Variants in GMDS observed in about 807,000 individuals in gnomAD.
GMDS encodes GDP-mannose 4,6-dehydratase.
A neutral mutation model predicts 49.9 loss-of-function variants in GMDS; 20 were observed. The ratio of observed to expected loss-of-function variants is 0.40; its 90% confidence interval spans 0.28 to 0.58. The LOEUF is 0.58. GMDS is among the 20% of genes least tolerant of loss of function. The probability of loss-of-function intolerance (pLI) is 0.42; values close to 1 mark genes in which losing one functional copy is unlikely to be tolerated. For missense variants in GMDS, 362 were observed against 481.4 expected (o/e 0.75, Z 2.32); for synonymous variants, 177 against 178.6 (o/e 0.99, Z 0.07).
intron 9 of GMDS, among the ~76,000 whole-genome samples, chr6:1,722,260 A>ATTATTATTAATTATTT (rs59203891): frequency 7.1e-6 from 1 of 140,860 alleles, no homozygotes; most frequent in East Asian, 2.1e-4. Context: ...TAGTAGTAGT[A>ATTATTATTAATTATTT]GTATTTTTAG....
intron 7 of GMDS, among the ~76,000 whole-genome samples, chr6:1,849,881 G>A (rs929180727): frequency 6.6e-6 from 1 of 152,082 alleles, no homozygotes; most frequent in Non-Finnish European, 1.5e-5. Flanking sequence ...AAACCCTTTC[G>A]TGGAGCTAGA....
At chr6:1,864,587 T>C (rs1305064591) in intron 7 of GMDS, among the ~76,000 whole-genome samples, 1 of 152,206 alleles carries the variant, frequency 6.6e-6, no homozygotes, top group African/African-American at 2.4e-5. Context: ...TTGGTTCATT[T>C]AGTAGTGTTG....
intron 4 of GMDS, among the ~76,000 whole-genome samples, chr6:1,985,331 G>A (rs1003697027): frequency 1.1e-4 from 17 of 152,010 alleles, no homozygotes; most frequent in African/African-American, 2.4e-4. Flanking sequence ...TTAACCATAC[G>A]GGATAAGAAT....
In GMDS at chr6:2,117,457, A is replaced by G. The variant is rs773021803; in HGVS notation, c.235+12T>C. The G allele has an allele frequency of 1.4e-6, 2 of 1,457,492 alleles. No individual in the cohort carries two copies. Among genetic ancestry groups the G allele is most frequent in the Non-Finnish European group, 1.9e-6 (2 of 1,036,994 alleles). The allele number at this position is 1,457,492 out of a possible 1,614,324, so 90.3% of individuals were successfully genotyped here. On this transcript the variant is annotated intron_variant, in intron 3 of 10. Coordinates refer to ENST00000380815, the MANE Select transcript of GMDS (RefSeq NM_001500.4). ...TTATAGAAAGAGATTCTAGAAAAAG[A>G]AAATGACTTACTTCCTTCAATGTGA...
intron 6 of GMDS, among the ~76,000 whole-genome samples, chr6:1,935,980 A>G (rs534360822): frequency 6.6e-6 from 1 of 152,300 alleles, no homozygotes; most frequent in Admixed American, 6.5e-5. Flanking sequence ...GGCACTGAGG[A>G]GTCTGGGCTG....
chr6:2,128,389 G>T (rs1022867033), intron 1 of GMDS, among the ~76,000 whole-genome samples: 2 of 152,058 alleles, frequency 1.3e-5, no homozygotes, highest in African/African-American at 2.4e-5. Context: ...TGGCCAGGCT[G>T]TTCTCAAACC....
intron 7 of GMDS, among the ~76,000 whole-genome samples, chr6:1,897,669 T>A (rs1236525868): frequency 6.6e-6 from 1 of 152,214 alleles, no homozygotes; most frequent in Non-Finnish European, 1.5e-5. Context: ...GTTGGGAGCA[T>A]CTCATTTCTC....
At chr6:1,686,412 G>A (rs2113323478) in intron 9 of GMDS, among the ~76,000 whole-genome samples, 1 of 152,354 alleles carries the variant, frequency 6.6e-6, no homozygotes, top group Middle Eastern at 3.4e-3. Flanking sequence ...AATGGTTGGA[G>A]AGGGTGTGGG....
intron 1 of GMDS, among the ~76,000 whole-genome samples, chr6:2,209,494 C>T (rs1779963874): frequency 6.6e-6 from 1 of 152,090 alleles, no homozygotes; most frequent in South Asian, 2.1e-4. Context: ...TACTCACACA[C>T]CTGCTGTCAG....
chr6:2,145,432 G>A (rs1419306115), intron 1 of GMDS, among the ~76,000 whole-genome samples: 1 of 151,920 alleles, frequency 6.6e-6, no homozygotes, highest in African/African-American at 2.4e-5. Flanking sequence ...CAGCTACTCG[G>A]GAAGCTGAGG....
chr6:2,123,339 G>A (rs1212960730), intron 2 of GMDS, among the ~76,000 whole-genome samples: 4 of 152,278 alleles, frequency 2.6e-5, no homozygotes, highest in African/African-American at 7.2e-5. Context: ...CAACACTTGC[G>A]TGGTTTTGAG....
intron 9 of GMDS, among the ~76,000 whole-genome samples, chr6:1,665,183 G>A (rs1764200475): frequency 6.6e-6 from 1 of 152,090 alleles, no homozygotes; most frequent in African/African-American, 2.4e-5. Flanking sequence ...GTGCCATGTT[G>A]GTGTGCTGCA....
At chr6:1,743,990 T>C (rs576305668) in intron 7 of GMDS, among the ~76,000 whole-genome samples, 1 of 152,310 alleles carries the variant, frequency 6.6e-6, no homozygotes, top group Non-Finnish European at 1.5e-5. Flanking sequence ...AACTGTTTGG[T>C]TTGCGTCTCC....
At chr6:1,703,160 T>C (rs1459092120) in intron 9 of GMDS, among the ~76,000 whole-genome samples, 1 of 152,202 alleles carries the variant, frequency 6.6e-6, no homozygotes. Flanking sequence ...GAGGAGTTCC[T>C]GCATGCTGGC....
chr6:2,194,213 C>T (rs913358332), intron 1 of GMDS, among the ~76,000 whole-genome samples: 1 of 152,042 alleles, frequency 6.6e-6, no homozygotes, highest in Non-Finnish European at 1.5e-5. Flanking sequence ...TAAGGTGCTT[C>T]TGTATTCTCC....
intron 10 of GMDS, 89 bp from the exon 11 acceptor site, chr6:1,624,320 C>T: frequency 2.2e-6 from 3 of 1,337,322 alleles, no homozygotes; most frequent in Non-Finnish European, 2.1e-6. Context: ...AGAGAGGCCT[C>T]CGCGTCCCTC....
intron 9 of GMDS, among the ~76,000 whole-genome samples, chr6:1,692,743 G>C (rs1765218672): frequency 1.3e-5 from 2 of 152,180 alleles, no homozygotes; most frequent in Non-Finnish European, 2.9e-5. Context: ...AGTTCAATCT[G>C]AGTGTCTTCT....
chr6:1,959,925 C>A lies in GMDS; in HGVS notation c.585G>T (p.Glu195Asp). 6.2e-7 allele frequency: 1 copy of A among 1,611,272 alleles called. No homozygotes were observed. The highest frequency in any genetic ancestry group is 8.5e-7 in the Non-Finnish European group (1 of 1,178,928). Residue 195 changes from glutamate to aspartate, a missense_variant, in exon 6 of 11, where the codon GAG becomes GAT. By Grantham distance (45) the Glu-to-Asp change is conservative (BLOSUM62 2). Coordinates refer to ENST00000380815, the MANE Select transcript of GMDS (RefSeq NM_001500.4). The stretch of plus-strand genomic sequence containing the variant: ...CGTTCACTGCAAAGAGATTATACGC[C>A]TCACGGAAGTTCACCACAATCCAAT... ...YAYWIVVNFR[E>D]AYNLFAVNGI...
At chr6:1,735,537 C>T (rs777405444) in intron 8 of GMDS, among the ~76,000 whole-genome samples, 33 of 152,136 alleles carry the variant, frequency 2.2e-4, no homozygotes, top group Non-Finnish European at 4.1e-4. Flanking sequence ...GAGAAGCAGA[C>T]GGAACTGTAG....
Sources: gnomAD v4.1 joint callset for allele counts (sites outside exome capture counted in the v4.1 genomes callset) on GRCh38, gnomAD v4.1.1 for gene constraint, MANE v1.5 for transcripts, NCBI Gene and HGNC (gene_info 2026-07-23, HGNC 2026-07-21) for gene names.